The following MECOM variants were observed in gnomAD, a reference collection of about 807,000 sequenced individuals.
MECOM encodes histone-lysine N-methyltransferase MECOM.
In MECOM, 13 loss-of-function variants were observed where a neutral mutation model predicts 116.3. The ratio of observed to expected loss-of-function variants is 0.11; its 90% CI spans 0.07 to 0.18. The LOEUF is 0.18. Among genes scored for constraint, MECOM ranks in the 10% least tolerant of loss-of-function variants. The probability of loss-of-function intolerance (pLI) is 1.00; values close to 1 mark genes in which losing one functional copy is unlikely to be tolerated. For synonymous variants in MECOM, 528 were observed against 535.2 expected (o/e 0.99, Z 0.19); for missense variants, 1,299 against 1,509.0 (o/e 0.86, Z 2.31).
At chr3:169,441,638 T>A (rs1320628367) in intron 1 of MECOM, among the ~76,000 whole-genome samples, 1 of 152,108 alleles carries the variant, frequency 6.6e-6, no homozygotes, top group Non-Finnish European at 1.5e-5. Flanking sequence ...TTGTCTGCAA[T>A]TATGTCAAAT....
At chr3:169,423,993 G>A (rs1012671026) in intron 1 of MECOM, among the ~76,000 whole-genome samples, 8 of 152,092 alleles carry the variant, frequency 5.3e-5, no homozygotes, top group Non-Finnish European at 1.0e-4. Context: ...AGTTTCCGAT[G>A]GTCCCAGAGA....
intron 1 of MECOM, chr3:169,389,464 A>G: frequency 3.1e-6 from 2 of 654,886 alleles, no homozygotes; most frequent in Non-Finnish European, 3.8e-6. Context: ...GACTTATCAC[A>G]TATCAGATAG....
intron 2 of MECOM, among the ~76,000 whole-genome samples, chr3:169,300,760 A>G (rs1716552283): frequency 1.3e-5 from 2 of 152,258 alleles, no homozygotes; most frequent in South Asian, 4.1e-4. Context: ...AGTGTCCCCA[A>G]ACAAAGACGA....
intron 1 of MECOM, among the ~76,000 whole-genome samples, chr3:169,441,150 A>T (rs566814690): frequency 6.6e-6 from 1 of 152,278 alleles, no homozygotes; most frequent in East Asian, 1.9e-4. Flanking sequence ...GGCTGATGTG[A>T]CAGCTCAGCC....
At position 169,377,306 on chromosome 3, in the gene MECOM, CA is replaced by C. The variant is rs778560877; in HGVS notation, c.375+3880del. On this transcript the variant is annotated intron_variant, in intron 2 of 16. Transcript: ENST00000651503. ...ACTAAAGCACCAAAAGCAATGGCAA[CA>C]AAAGCCAAAATTGACAAATGGGATC... Among the ~76,000 whole-genome samples, 10 of 151,878 alleles carry C rather than the reference CA, an allele frequency of 6.6e-5. No individual in the cohort carries two copies. The East Asian group carries it at 7.7e-4, about 12-fold the overall frequency.
At chr3:169,124,199 C>T (rs1732021664) in intron 5 of MECOM, among the ~76,000 whole-genome samples, 3 of 151,914 alleles carry the variant, frequency 2.0e-5, no homozygotes, top group South Asian at 4.1e-4. Flanking sequence ...AGCGTAAATC[C>T]CAGCAAAGGC....
intron 1 of MECOM, among the ~76,000 whole-genome samples, chr3:169,455,244 T>C (rs1005191416): frequency 2.8e-4 from 43 of 152,190 alleles, no homozygotes; most frequent in African/African-American, 1.0e-3. Flanking sequence ...ATGCAGCTCT[T>C]ATAATACTCT....
intron 1 of MECOM, among the ~76,000 whole-genome samples, chr3:169,411,525 T>G: frequency 6.6e-6 from 1 of 152,166 alleles, no homozygotes; most frequent in Admixed American, 6.5e-5. Flanking sequence ...GTAGAGGAGA[T>G]GTATGCTTGG....
intron 2 of MECOM, among the ~76,000 whole-genome samples, chr3:169,302,467 A>C (rs971420001): frequency 6.6e-6 from 1 of 152,234 alleles, no homozygotes; most frequent in African/African-American, 2.4e-5. Flanking sequence ...GAATTCAAAC[A>C]ATTATTACAT....
chr3:169,175,899 G>A (rs1577255368), intron 2 of MECOM, among the ~76,000 whole-genome samples: 1 of 152,144 alleles, frequency 6.6e-6, no homozygotes, highest in Non-Finnish European at 1.5e-5. Context: ...ACTAAGTGAG[G>A]GAAGATGACC....
chr3:169,596,172 C>A (rs1767112451), intron 1 of MECOM, among the ~76,000 whole-genome samples: 1 of 152,116 alleles, frequency 6.6e-6, no homozygotes, highest in Non-Finnish European at 1.5e-5. Context: ...ACATGTAACT[C>A]TTTAATATTA....
intron 2 of MECOM, among the ~76,000 whole-genome samples, chr3:169,320,535 C>T (rs934099794): frequency 1.3e-5 from 2 of 152,098 alleles, no homozygotes; most frequent in Admixed American, 1.3e-4. Flanking sequence ...AGCCAATGAC[C>T]CCCCTGTTTT....
chr3:169,105,142 T>A (rs535797990), intron 10 of MECOM, among the ~76,000 whole-genome samples: 1 of 152,240 alleles, frequency 6.6e-6, no homozygotes, highest in African/African-American at 2.4e-5. Flanking sequence ...TGAAGCAACA[T>A]AAAAGCCTTC....
intron 2 of MECOM, among the ~76,000 whole-genome samples, chr3:169,212,155 G>A (rs533047063): frequency 6.6e-6 from 1 of 151,966 alleles, no homozygotes; most frequent in East Asian, 1.9e-4. Flanking sequence ...ATATATCTAG[G>A]AACTACCCAC....
intron 1 of MECOM, among the ~76,000 whole-genome samples, chr3:169,551,545 T>C (rs1430078263): frequency 1.3e-5 from 2 of 152,248 alleles, no homozygotes; most frequent in Non-Finnish European, 2.9e-5. Context: ...TGGAATCAAA[T>C]GACTTCTCTT....
intron 2 of MECOM, among the ~76,000 whole-genome samples, chr3:169,271,773 GA>G (rs1758970005): frequency 6.6e-6 from 1 of 151,922 alleles, no homozygotes; most frequent in African/African-American, 2.4e-5. Flanking sequence ...GAATTTTCCA[GA>G]AAAAAATAAA....
intron 1 of MECOM, among the ~76,000 whole-genome samples, chr3:169,415,028 G>A (rs1285040624): frequency 2.0e-5 from 3 of 152,134 alleles, no homozygotes; most frequent in Non-Finnish European, 4.4e-5. Context: ...AGGAAATACA[G>A]AGAACAACAC....
chr3:169,316,387 T>C (rs1719751131), intron 2 of MECOM, among the ~76,000 whole-genome samples: 1 of 152,206 alleles, frequency 6.6e-6, no homozygotes, highest in Non-Finnish European at 1.5e-5. Context: ...TATAAAACTA[T>C]TTTAAATTTC....
intron 2 of MECOM, among the ~76,000 whole-genome samples, chr3:169,351,988 C>A (rs149855317): frequency 6.6e-6 from 1 of 151,946 alleles, no homozygotes; most frequent in African/African-American, 2.4e-5. Flanking sequence ...CTTTGATTCA[C>A]GGAAAACTGC....
Sources: gnomAD v4.1 joint callset for allele counts (sites outside exome capture counted in the v4.1 genomes callset) on GRCh38, gnomAD v4.1.1 for gene constraint, MANE v1.5 for transcripts, NCBI Gene and HGNC (gene_info 2026-07-23, HGNC 2026-07-21) for gene names.